Variants in NDUFAB1 observed in about 807,000 individuals in gnomAD.
The protein encoded by NDUFAB1 is acyl carrier protein, mitochondrial.
Under a neutral mutation model 16.1 loss-of-function variants are expected in NDUFAB1, and 5 were observed. The observed-to-expected ratio is 0.31, with a 90% CI of 0.16 to 0.65. The LOEUF (loss-of-function observed/expected upper bound fraction) is 0.65. NDUFAB1 is among the 30% of genes least tolerant of loss of function. The pLI, the probability that NDUFAB1 is intolerant of heterozygous loss-of-function variation, is 0.77. For missense variants in NDUFAB1, 187 were observed against 205.3 expected (o/e 0.91, Z 0.54); for synonymous variants, 85 against 78.4 (o/e 1.08, Z -0.44).
intron 3 of NDUFAB1, among the ~76,000 whole-genome samples, chr16:23,584,255 TAAAAAAAA>T (rs58853102): frequency 2.9e-5 from 1 of 34,064 alleles, no homozygotes; most frequent in Non-Finnish European, 5.9e-5. Flanking sequence ...AATGATCAAT[TAAAAAAAA>T]AAAAAAAAAA....
intron 1 of NDUFAB1, among the ~76,000 whole-genome samples, chr16:23,592,132 G>A (rs1966285288): frequency 6.6e-6 from 1 of 152,170 alleles, no homozygotes; most frequent in Non-Finnish European, 1.5e-5. Context: ...CTTGGATTTG[G>A]TGAGGAAAAG....
intron 2 of NDUFAB1, 40 bp downstream of exon 2, chr16:23,587,157 T>C (rs201250183): frequency 8.9e-6 from 14 of 1,571,452 alleles, no homozygotes; most frequent in Non-Finnish European, 1.2e-5. Flanking sequence ...AATTAAATAC[T>C]CTATATTTAA....
At chr16:23,591,464 A>G (rs1206997883) in intron 1 of NDUFAB1, among the ~76,000 whole-genome samples, 1 of 152,172 alleles carries the variant, frequency 6.6e-6, no homozygotes, top group African/African-American at 2.4e-5. Flanking sequence ...CAAACTGCCG[A>G]CTGGTCCACT....
chr16:23,585,851 T>C (rs1436988162), intron 2 of NDUFAB1, among the ~76,000 whole-genome samples: 1 of 152,244 alleles, frequency 6.6e-6, no homozygotes, highest in African/African-American at 2.4e-5. Context: ...TGCTAGTATG[T>C]ACATGGTTTG....
rs145768854 is a variant in NDUFAB1 at position 23,595,285 on chromosome 16, A to C, written c.168+838T>G. ...CTCTGTCTCAAAAACAACAACAACA[A>C]CACCGAAATCACTGCCTCCCGGCGT... On this transcript the variant is annotated intron_variant, in intron 1 of 4. Coordinates refer to ENST00000007516, the MANE Select transcript of NDUFAB1 (RefSeq NM_005003.3). 1.8e-3 allele frequency: 519 copies of C among 294,304 alleles called. 3 individuals carry two copies. Among genetic ancestry groups the C allele is most frequent in the African/African-American group, 4.9e-3 (218 of 44,582 alleles). The allele number at this position is 294,304 out of a possible 1,614,324, so 18.2% of individuals were successfully genotyped here.
At chr16:23,594,237 G>T (rs1966303675) in intron 1 of NDUFAB1, among the ~76,000 whole-genome samples, 1 of 152,060 alleles carries the variant, frequency 6.6e-6, no homozygotes, top group African/African-American at 2.4e-5. Context: ...CAACAGGGCA[G>T]TGCCCAATGA....
At chr16:23,582,427 T>A (rs1966188079) in intron 3 of NDUFAB1, 52 bp from the exon 4 acceptor site, 4 of 1,485,848 alleles carry the variant, frequency 2.7e-6, no homozygotes, top group Admixed American at 5.5e-5. Context: ...AAAAATCCTT[T>A]AGAACTGAAC....
At chr16:23,584,502 T>C (rs1273566325) in intron 3 of NDUFAB1, among the ~76,000 whole-genome samples, 2 of 151,864 alleles carry the variant, frequency 1.3e-5, no homozygotes, top group African/African-American at 4.8e-5. Context: ...TTTTTATAAA[T>C]GGCTGGGTTT....
At chr16:23,586,345 T>C (rs1966233037) in intron 2 of NDUFAB1, among the ~76,000 whole-genome samples, 1 of 151,994 alleles carries the variant, frequency 6.6e-6, no homozygotes, top group South Asian at 2.1e-4. Flanking sequence ...CAATTTTTTT[T>C]CGTTGTTAGA....
chr16:23,589,953 A>G (rs1217880821), intron 1 of NDUFAB1, among the ~76,000 whole-genome samples: 2 of 138,204 alleles, frequency 1.4e-5, no homozygotes, highest in Non-Finnish European at 3.1e-5. Flanking sequence ...AAAAAAAAAA[A>G]AAAAAAAAAA....
At chr16:23,592,205 G>A (rs1034810087) in intron 1 of NDUFAB1, among the ~76,000 whole-genome samples, 5 of 152,184 alleles carry the variant, frequency 3.3e-5, no homozygotes, top group South Asian at 2.1e-4. Context: ...GAGGTCAGGC[G>A]TGGTAGCGCA....
rs1042294739 is a variant in NDUFAB1 at position 23,587,892 on chromosome 16, A to C, written c.169-573T>G. Among the ~76,000 whole-genome samples the C allele has an allele frequency of 7.9e-5, 12 of 152,244 alleles. 1 individual carries two copies. Among genetic ancestry groups the C allele is most frequent in the Admixed American group, 7.2e-4 (11 of 15,286 alleles). On this transcript the variant is annotated intron_variant, in intron 1 of 4. Coordinates refer to ENST00000007516, the MANE Select transcript of NDUFAB1 (RefSeq NM_005003.3). ...GGATGAGGGAGCTTACAGTCACTAC[A>C]TTCCAATCTGTTTCCCTTCCAGCGA...
chr16:23,595,824 C>T (rs1049790718), intron 1 of NDUFAB1, among the ~76,000 whole-genome samples: 1 of 152,258 alleles, frequency 6.6e-6, no homozygotes, highest in African/African-American at 2.4e-5. Flanking sequence ...AAGGTAGAGA[C>T]CAGGATCCCA....
intron 2 of NDUFAB1, 38 bp downstream of exon 2, chr16:23,587,159 T>C: frequency 6.3e-7 from 1 of 1,577,878 alleles, no homozygotes. Flanking sequence ...TTAAATACTC[T>C]ATATTTAAAG....
chr16:23,588,547 T>C (rs1966252711), intron 1 of NDUFAB1, among the ~76,000 whole-genome samples: 1 of 152,242 alleles, frequency 6.6e-6, no homozygotes, highest in South Asian at 2.1e-4. Context: ...TCTTCAGGCA[T>C]TTCCCTATAG....
At position 23,596,187 on chromosome 16, in the gene NDUFAB1, G is replaced by T; in HGVS notation, c.104C>A (p.Ala35Asp). ...CGTCTGGGTCCCCGCGGAGCAGAGA[G>T]CGGTGCTGAGAGGCCGGGCCACGGC... Reference protein sequence around the residue: ...MLAVARPLSTALCSAGTQTRL... With the variant: ...MLAVARPLSTDLCSAGTQTRL... The change falls in exon 1 of 5, where the codon GCT (alanine) becomes GAT (aspartate). Residue 35 changes from alanine to aspartate, a missense_variant. Physicochemically the swap from Ala to Asp is moderately radical, Grantham distance 126. Transcript: ENST00000007516. 6.2e-7 allele frequency: 1 copy of T among 1,611,208 alleles called. No individual in the cohort carries two copies. The highest frequency in any genetic ancestry group is 8.5e-7 in the Non-Finnish European group (1 of 1,179,082).
At chr16:23,591,702 A>G (rs758747196) in intron 1 of NDUFAB1, among the ~76,000 whole-genome samples, 5 of 152,204 alleles carry the variant, frequency 3.3e-5, no homozygotes, top group Admixed American at 6.5e-5. Context: ...CTTCCCCCCA[A>G]CAATGTTCCC....
intron 2 of NDUFAB1, among the ~76,000 whole-genome samples, chr16:23,586,021 G>A (rs540010089): frequency 3.4e-4 from 52 of 152,178 alleles, no homozygotes; most frequent in African/African-American, 1.3e-3. Context: ...TCGGCCTCCC[G>A]GGTTCAAGCA....
In NDUFAB1 at chr16:23,582,302, C is replaced by T; in HGVS notation, c.453G>A (p.Lys151=). Residue 151 remains lysine (K), a synonymous_variant, in exon 4 of 5, where the codon AAG becomes AAA. Coordinates refer to ENST00000007516, the MANE Select transcript of NDUFAB1 (RefSeq NM_005003.3). ...PQEIVDYIAD[K]KDVYE Reference sequence around the variant, plus strand: ...TGATACTTTATTCATATACATCCTTCTTATCTGCAATGTAATCTACAATTT... The same window carrying T: ...TGATACTTTATTCATATACATCCTTTTTATCTGCAATGTAATCTACAATTT... 1 of 1,567,644 alleles carries T rather than the reference C, an allele frequency of 6.4e-7. No individual in the cohort carries two copies. The highest frequency in any genetic ancestry group is 1.2e-5 in the South Asian group (1 of 82,774).
Sources: allele counts gnomAD v4.1 joint callset (sites outside exome capture counted in the v4.1 genomes callset), GRCh38; gene constraint gnomAD v4.1.1; transcripts MANE v1.5; gene names NCBI Gene and HGNC (gene_info 2026-07-23, HGNC 2026-07-21).